INPP4B: variants seen among roughly 807,000 people sequenced by gnomAD.
INPP4B encodes inositol polyphosphate 4-phosphatase type II.
Under a neutral mutation model 122.5 loss-of-function variants are expected in INPP4B, and 55 were observed. The ratio of observed to expected loss-of-function variants is 0.45; its 90% confidence interval spans 0.36 to 0.56. The LOEUF is 0.56. Ranked by LOEUF, INPP4B falls within the 20% of genes least tolerant of loss-of-function variation. The pLI is 0.00. For missense variants in INPP4B, 1,000 were observed against 1,097.7 expected (o/e 0.91, Z 1.26); for synonymous variants, 403 against 388.7 (o/e 1.04, Z -0.43).
intron 2 of INPP4B, among the ~76,000 whole-genome samples, chr4:142,634,904 A>T (rs1748757771): frequency 6.6e-6 from 1 of 152,136 alleles, no homozygotes; most frequent in East Asian, 1.9e-4. Context: ...TGTGTACTTA[A>T]CAACATTCAA....
chr4:142,433,607 G>A (rs894671502), intron 3 of INPP4B, among the ~76,000 whole-genome samples: 6 of 152,094 alleles, frequency 3.9e-5, no homozygotes, highest in Non-Finnish European at 7.4e-5. Context: ...CATACAAGAA[G>A]GTTATTATTA....
intron 1 of INPP4B, among the ~76,000 whole-genome samples, chr4:142,773,101 T>C (rs944904247): frequency 8.6e-5 from 13 of 152,020 alleles, no homozygotes; most frequent in African/African-American, 3.1e-4. Context: ...GTACAACTGT[T>C]AATAGGGTCT....
intron 5 of INPP4B, among the ~76,000 whole-genome samples, chr4:142,426,144 CAT>C (rs990723062): frequency 2.0e-5 from 3 of 151,894 alleles, no homozygotes; most frequent in Non-Finnish European, 4.4e-5. Flanking sequence ...AATATGAAGA[CAT>C]ATTCTCATAA....
chr4:142,032,269 T>TACCA (rs1176603756), intron 25 of INPP4B, among the ~76,000 whole-genome samples: 2 of 152,082 alleles, frequency 1.3e-5, no homozygotes, highest in African/African-American at 4.8e-5. Flanking sequence ...AAGCCCAGGC[T>TACCA]ACCAGGGGCA....
At chr4:142,635,206 T>A (rs924965313) in intron 2 of INPP4B, among the ~76,000 whole-genome samples, 3 of 151,890 alleles carry the variant, frequency 2.0e-5, no homozygotes, top group African/African-American at 7.3e-5. Context: ...GTTAAAAAAA[T>A]AACAGATGCT....
intron 12 of INPP4B, among the ~76,000 whole-genome samples, chr4:142,220,488 C>T (rs1348785091): frequency 6.6e-6 from 1 of 152,202 alleles, no homozygotes; most frequent in Admixed American, 6.5e-5. Flanking sequence ...AATATTCACT[C>T]ATTTGCCATT....
At chr4:142,748,311 T>C (rs1769105103) in intron 1 of INPP4B, among the ~76,000 whole-genome samples, 2 of 151,896 alleles carry the variant, frequency 1.3e-5, no homozygotes, top group Admixed American at 6.6e-5. Context: ...AAATCTAAGT[T>C]TCTGACTTAA....
At chr4:142,379,665 A>G (rs1171903840) in intron 7 of INPP4B, among the ~76,000 whole-genome samples, 1 of 152,242 alleles carries the variant, frequency 6.6e-6, no homozygotes, top group Non-Finnish European at 1.5e-5. Flanking sequence ...TCCTAGCCAA[A>G]GCAGACTAAC....
At chr4:142,686,139 T>C (rs1759317309) in intron 2 of INPP4B, among the ~76,000 whole-genome samples, 1 of 152,014 alleles carries the variant, frequency 6.6e-6, no homozygotes, top group East Asian at 1.9e-4. Context: ...ATATGACCCA[T>C]AAGAATTTGT....
Position 142,302,630 on chromosome 4 carries a change from C to T in INPP4B, c.503+2828G>A, listed in dbSNP as rs115750913. Reference sequence around the variant, plus strand: ...CTAATATAATTATCAGAGCACAAAGCACATGGTTGGTTATTGTCATCCTTA... The same window carrying T: ...CTAATATAATTATCAGAGCACAAAGTACATGGTTGGTTATTGTCATCCTTA... On this transcript the variant is annotated intron_variant, in intron 9 of 25. Transcript: ENST00000262992. 5.2e-3 allele frequency among the ~76,000 whole-genome samples: 797 copies of T among 152,168 alleles called. 7 individuals carry two copies. The highest frequency in any genetic ancestry group is 7.5e-3 in the Non-Finnish European group (508 of 67,998).
intron 25 of INPP4B, among the ~76,000 whole-genome samples, chr4:142,054,933 A>C (rs1756786399): frequency 6.6e-6 from 1 of 152,092 alleles, no homozygotes; most frequent in African/African-American, 2.4e-5. Context: ...GCTGCTTTAA[A>C]ATCAGTCAAT....
intron 15 of INPP4B, among the ~76,000 whole-genome samples, chr4:142,186,644 A>G (rs956988849): frequency 7.2e-5 from 11 of 152,236 alleles, no homozygotes; most frequent in Non-Finnish European, 1.2e-4. Context: ...GAGGACTAGA[A>G]CAGGTAGGAT....
chr4:142,050,438 T>A (rs1753899893), intron 25 of INPP4B, among the ~76,000 whole-genome samples: 1 of 152,016 alleles, frequency 6.6e-6, no homozygotes, highest in Admixed American at 6.6e-5. Flanking sequence ...CAAAAAAGAT[T>A]ATTAGCTAGT....
intron 25 of INPP4B, among the ~76,000 whole-genome samples, chr4:142,074,427 A>T (rs1769330980): frequency 6.6e-6 from 1 of 152,098 alleles, no homozygotes; most frequent in Non-Finnish European, 1.5e-5. Flanking sequence ...ATGTGTGGAG[A>T]AATGGGAACA....
At chr4:142,654,511 A>C (rs1247101993) in intron 2 of INPP4B, 1 of 151,958 alleles carries the variant, frequency 6.6e-6, no homozygotes, top group Non-Finnish European at 1.5e-5. Flanking sequence ...AACTCTGTGG[A>C]TTTAATTGTA....
intron 17 of INPP4B, among the ~76,000 whole-genome samples, chr4:142,154,701 A>T (rs1816241362): frequency 6.6e-6 from 1 of 152,136 alleles, no homozygotes; most frequent in African/African-American, 2.4e-5. Flanking sequence ...CATAGTGCAG[A>T]ATTATATTAA....
chr4:142,314,712 C>A lies in INPP4B; in HGVS notation c.423G>T (p.Gly141=), dbSNP rs3756122. ...PEHKDPPPEV[G]RSFLGYASFK... Reference sequence around the variant, plus strand: ...TTCTGGAAACGTTAGAAACACTTACCCCAACTTCTGGCGGGGGATCCTTAT... The same window carrying A: ...TTCTGGAAACGTTAGAAACACTTACACCAACTTCTGGCGGGGGATCCTTAT... The change falls in exon 8 of 26, where the codon GGG becomes GGT. Residue 141 remains glycine (G), a splice_region_variant and synonymous_variant. Coordinates refer to ENST00000262992, the MANE Select transcript of INPP4B (RefSeq NM_001101669.3). The A allele has an allele frequency of 4.4e-5, 70 of 1,598,780 alleles. No individual in the cohort carries two copies. The East Asian group carries it at 8.9e-4, about 20-fold the overall frequency.
intron 10 of INPP4B, 62 bp downstream of exon 10, chr4:142,270,601 G>C: frequency 8.9e-7 from 1 of 1,120,276 alleles, no homozygotes; most frequent in Non-Finnish European, 1.4e-6. Context: ...TGGTGAGACA[G>C]ACATCTGGCA....
At chr4:142,697,655 A>G (rs975659637) in intron 2 of INPP4B, among the ~76,000 whole-genome samples, 1 of 152,202 alleles carries the variant, frequency 6.6e-6, no homozygotes, top group African/African-American at 2.4e-5. Context: ...GAAACCTACA[A>G]GAAAAACAGG....
Sources: gnomAD v4.1 joint callset for allele counts (sites outside exome capture counted in the v4.1 genomes callset) on GRCh38, gnomAD v4.1.1 for gene constraint, MANE v1.5 for transcripts, NCBI Gene and HGNC (gene_info 2026-07-23, HGNC 2026-07-21) for gene names.